Variants in GRK5 observed in about 807,000 individuals in gnomAD.
GRK5 encodes G protein-coupled receptor kinase 5.
GRK5 carries 40 observed loss-of-function variants against 78.4 expected under a neutral mutation model. The observed-to-expected ratio is 0.51, with a 90% CI of 0.40 to 0.66. The LOEUF (loss-of-function observed/expected upper bound fraction) is 0.66, where lower values mean the gene tolerates loss of function less well. Among genes scored for constraint, GRK5 ranks in the 30% least tolerant of loss-of-function variants. The pLI is 0.00. For missense variants in GRK5, 598 were observed against 759.9 expected (o/e 0.79, Z 2.50); for synonymous variants, 289 against 296.8 (o/e 0.97, Z 0.27).
intron 3 of GRK5, among the ~76,000 whole-genome samples, chr10:119,381,580 G>A (rs1018115539): frequency 2.0e-5 from 3 of 152,248 alleles, no homozygotes; most frequent in African/African-American, 7.2e-5. Context: ...TGATTGCATG[G>A]GCTTTTAAGA....
intron 1 of GRK5, among the ~76,000 whole-genome samples, chr10:119,325,726 C>T (rs188854965): frequency 3.9e-5 from 6 of 152,292 alleles, no homozygotes; most frequent in South Asian, 2.1e-4. Flanking sequence ...TCGCTGTTTG[C>T]GCCTGTGCAC....
In GRK5 at chr10:119,259,134, G is replaced by A. The variant is rs931568421; in HGVS notation, c.52+51165G>A. ...GGCCGGACTGCAGTGGTGCTATCTC[G>A]GCTCACTGCAAGCTCCGTCTCCCAG... On this transcript the variant is annotated intron_variant, in intron 1 of 15. Transcript: ENST00000392870. 5.5e-5 allele frequency among the ~76,000 whole-genome samples: 8 copies of A among 144,456 alleles called. 1 individual carries two copies. Among genetic ancestry groups the A allele is most frequent in the Admixed American group, 2.2e-4 (3 of 13,880 alleles). The allele number at this position is 144,456 out of a possible 152,430, so 94.8% of individuals were successfully genotyped here. A position where few individuals can be genotyped will look rare whatever the true frequency, so the allele number is the denominator to read the frequency against.
At chr10:119,353,932 C>CT (rs761463283) in intron 2 of GRK5, among the ~76,000 whole-genome samples, 57,858 of 108,892 alleles carry the variant, frequency 0.53, 15,751 homozygotes, top group Non-Finnish European at 0.6. Context: ...TTTTTTCTTT[C>CT]TTTTTTTTTT....
intron 1 of GRK5, among the ~76,000 whole-genome samples, chr10:119,221,081 G>A (rs138432217): frequency 6.6e-6 from 1 of 152,084 alleles, no homozygotes; most frequent in East Asian, 1.9e-4. Context: ...GCGTGAACCC[G>A]GGAGGCGGAG....
chr10:119,229,031 C>T (rs1450726032), intron 1 of GRK5, among the ~76,000 whole-genome samples: 1 of 152,066 alleles, frequency 6.6e-6, no homozygotes, highest in Non-Finnish European at 1.5e-5. Context: ...GATGCCTTAA[C>T]GCATCTAGCA....
At chr10:119,237,642 G>T (rs1302716515) in intron 1 of GRK5, among the ~76,000 whole-genome samples, 2 of 152,142 alleles carry the variant, frequency 1.3e-5, no homozygotes, top group Non-Finnish European at 2.9e-5. Flanking sequence ...CTACTTGATA[G>T]AAGTATTCAG....
intron 2 of GRK5, among the ~76,000 whole-genome samples, chr10:119,366,505 G>A (rs1278155218): frequency 6.6e-6 from 1 of 152,196 alleles, no homozygotes; most frequent in Admixed American, 6.5e-5. Flanking sequence ...CAGGGCAGGA[G>A]GGGGGCAGCT....
chr10:119,447,416 C>T (rs1014856682), intron 12 of GRK5, among the ~76,000 whole-genome samples: 7 of 152,164 alleles, frequency 4.6e-5, no homozygotes, highest in African/African-American at 9.7e-5. Flanking sequence ...CTAAGTCAAA[C>T]GTGTTTTGGG....
intron 1 of GRK5, among the ~76,000 whole-genome samples, chr10:119,224,199 A>G (rs968755439): frequency 2.0e-5 from 3 of 152,232 alleles, no homozygotes; most frequent in Non-Finnish European, 2.9e-5. Context: ...AAACATAGCC[A>G]GAACCCTGCC....
Position 119,439,742 on chromosome 10 carries a change from C to T in GRK5, c.941C>T (p.Pro314Leu). The change falls in exon 10 of 16, where the codon CCT becomes CTT. Residue 314 changes from proline (P) to leucine (L), a missense_variant. Physicochemically the swap from Pro to Leu is moderately conservative, Grantham distance 98. Coordinates refer to ENST00000392870, the MANE Select transcript of GRK5 (RefSeq NM_005308.3). ...GTTTTTCCTTTCAGAGATCTGAAAC[C>T]TGAAAACATCCTGTTAGATGATTAT... ...RENTVYRDLK[P>L]ENILLDDYGH... 1 of 1,614,046 alleles carries T rather than the reference C, an allele frequency of 6.2e-7. No individual in the cohort carries two copies. Among genetic ancestry groups the T allele is most frequent in the Non-Finnish European group, 8.5e-7 (1 of 1,179,952 alleles).
chr10:119,319,383 C>T (rs377013708), intron 1 of GRK5, among the ~76,000 whole-genome samples: 83 of 152,356 alleles, frequency 5.4e-4, no homozygotes, highest in African/African-American at 1.9e-3. Context: ...GGACTCCTTC[C>T]GATCCGAGGC....
intron 1 of GRK5, among the ~76,000 whole-genome samples, chr10:119,310,922 G>A (rs747498180): frequency 4.6e-5 from 7 of 152,138 alleles, no homozygotes; most frequent in African/African-American, 1.7e-4. Flanking sequence ...AGCCCTCCCC[G>A]TCTGATGAGA....
At chr10:119,293,776 G>A (rs1219165616) in intron 1 of GRK5, among the ~76,000 whole-genome samples, 1 of 151,996 alleles carries the variant, frequency 6.6e-6, no homozygotes, top group African/African-American at 2.4e-5. Flanking sequence ...GGGCTGGGTG[G>A]GTGCTGCCAT....
Position 119,267,197 on chromosome 10 carries a change from C to T in GRK5, c.52+59228C>T, listed in dbSNP as rs1167797110. Among the ~76,000 whole-genome samples, 1 of 151,150 alleles carries T rather than the reference C, an allele frequency of 6.6e-6. No individual in the cohort carries two copies. Among genetic ancestry groups the T allele is most frequent in the Non-Finnish European group, 1.5e-5 (1 of 67,790 alleles). Reference sequence around the variant, plus strand: ...GGCGGAGGTTGCAGCGAGCCGAGATCACACCATTGCACTCCAGCCTGGGCA... The same window carrying T: ...GGCGGAGGTTGCAGCGAGCCGAGATTACACCATTGCACTCCAGCCTGGGCA... On this transcript the variant is annotated intron_variant, in intron 1 of 15. Coordinates refer to ENST00000392870, the MANE Select transcript of GRK5 (RefSeq NM_005308.3). This position sits in a 1 kb window ranked among gnomAD's most constrained non-coding sequence, Gnocchi z 4.1.
intron 4 of GRK5, among the ~76,000 whole-genome samples, chr10:119,399,103 G>C (rs1852104493): frequency 6.6e-6 from 1 of 152,182 alleles, no homozygotes; most frequent in African/African-American, 2.4e-5. Context: ...GAGGGATGGG[G>C]CCCAGACACC....
intron 1 of GRK5, among the ~76,000 whole-genome samples, chr10:119,215,984 T>TA (rs1848565169): frequency 6.6e-6 from 1 of 152,202 alleles, no homozygotes; most frequent in East Asian, 1.9e-4. Flanking sequence ...AAGGTATACT[T>TA]AAAGATGCCA....
At chr10:119,434,061 A>G (rs1321936346) in intron 8 of GRK5, among the ~76,000 whole-genome samples, 2 of 152,210 alleles carry the variant, frequency 1.3e-5, no homozygotes, top group Non-Finnish European at 2.9e-5. Context: ...TTATAAAACC[A>G]TCAGATCTCA....
intron 1 of GRK5, among the ~76,000 whole-genome samples, chr10:119,265,564 C>T (rs1849481524): frequency 6.6e-6 from 1 of 152,178 alleles, no homozygotes; most frequent in Non-Finnish European, 1.5e-5. Context: ...ACTGAGGAAC[C>T]AAATGGGCCA....
chr10:119,218,251 G>A (rs10886424), intron 1 of GRK5, among the ~76,000 whole-genome samples: 73,905 of 151,910 alleles, frequency 0.49, 18,188 homozygotes, highest in East Asian at 0.65. Context: ...TGAGGGTACA[G>A]GAAGCCATGC....
Sources: allele counts gnomAD v4.1 joint callset (sites outside exome capture counted in the v4.1 genomes callset), GRCh38; gene constraint gnomAD v4.1.1; non-coding constraint Gnocchi (gnomAD v3.1); transcripts MANE v1.5; gene names NCBI Gene and HGNC (gene_info 2026-07-23, HGNC 2026-07-21).